Variants in GOLGA4 observed in about 807,000 individuals in gnomAD.
GOLGA4 encodes golgin A4.
In GOLGA4, 169 loss-of-function variants were observed where a neutral mutation model predicts 265.9. That is an observed-to-expected ratio of 0.64 (90% CI 0.56 to 0.72). GOLGA4 has a LOEUF of 0.72. Among genes scored for constraint, GOLGA4 ranks in the 30% least tolerant of loss-of-function variants. The probability of loss-of-function intolerance (pLI) is 0.00; values close to 1 mark genes in which losing one functional copy is unlikely to be tolerated. For missense variants in GOLGA4, 2,482 were observed against 2,483.4 expected (o/e 1.00, Z 0.01); for synonymous variants, 923 against 855.8 (o/e 1.08, Z -1.37).
At chr3:37,263,117 A>G (rs1390274793) in intron 2 of GOLGA4, among the ~76,000 whole-genome samples, 2 of 152,172 alleles carry the variant, frequency 1.3e-5, no homozygotes, top group Admixed American at 1.3e-4. Flanking sequence ...CTGTAGTTTT[A>G]CTATGCTTAT....
intron 2 of GOLGA4, among the ~76,000 whole-genome samples, chr3:37,261,981 A>G (rs1344582350): frequency 1.3e-5 from 2 of 152,222 alleles, no homozygotes; most frequent in Non-Finnish European, 2.9e-5. Flanking sequence ...GAGCCTGTAA[A>G]TGAAAATTCT....
chr3:37,355,246 C>A (rs919005561), intron 22 of GOLGA4, 59 bp downstream of exon 22: 4 of 894,140 alleles, frequency 4.5e-6, no homozygotes, highest in Non-Finnish European at 1.9e-6. Context: ...TATATTCTGT[C>A]TCATTTATAA....
At chr3:37,296,008 C>T (rs2096877202) in intron 6 of GOLGA4, 79 bp from the exon 7 acceptor site, 1 of 1,282,710 alleles carries the variant, frequency 7.8e-7, no homozygotes, top group Non-Finnish European at 1.1e-6. Flanking sequence ...GGAACCAATC[C>T]CCCACAGATA....
At chr3:37,328,850 AAAATT>A (rs2096980834) in intron 15 of GOLGA4, 108 bp from the exon 16 acceptor site, 9 of 901,310 alleles carry the variant, frequency 1.0e-5, no homozygotes, top group South Asian at 2.0e-5. Context: ...ATGCTTATAT[AAAATT>A]AAATTTCATC....
In GOLGA4 at chr3:37,326,050, C is replaced by T; in HGVS notation, c.4164C>T (p.Ser1388=). The stretch of plus-strand genomic sequence containing the variant: ...ATGTTCAGCTTCAAAATAGCATCAG[C>T]CTATCCGAAAAAGAAGCAGCCATTT... ...DLNVQLQNSI[S]LSEKEAAISS... is the part of the protein sequence containing the mutation. Residue 1388 remains serine (S), a synonymous_variant, in exon 14 of 24, where the codon AGC becomes AGT. Coordinates refer to ENST00000361924, the MANE Select transcript of GOLGA4 (RefSeq NM_002078.5). 1 of 1,613,030 alleles carries T rather than the reference C, an allele frequency of 6.2e-7. No homozygotes were observed. The highest frequency in any genetic ancestry group is 8.5e-7 in the Non-Finnish European group (1 of 1,179,196).
In GOLGA4 at chr3:37,324,202, G is replaced by C. The variant is rs901663982; in HGVS notation, c.2316G>C (p.Leu772Phe). The change falls in exon 14 of 24, where the codon TTG becomes TTC. Residue 772 changes from leucine to phenylalanine, a missense_variant. Physicochemically the swap from Leu to Phe is conservative, Grantham distance 22 (BLOSUM62 0). Around this residue, in one of 3 missense-constraint regions of GOLGA4, gnomAD observed 1,536 missense variants for 1,483.7 expected, o/e 1.04. Coordinates refer to ENST00000361924, the MANE Select transcript of GOLGA4 (RefSeq NM_002078.5). ...ELLLKERDKH[L>F]KEHQAHVENL... The stretch of plus-strand genomic sequence containing the variant: ...TCTTGAAGGAAAGGGACAAGCATTT[G>C]AAAGAGCATCAGGCTCATGTAGAAA... 6.2e-7 allele frequency: 1 copy of C among 1,614,014 alleles called. No homozygotes were observed. The highest frequency in any genetic ancestry group is 8.5e-7 in the Non-Finnish European group (1 of 1,180,030).
At chr3:37,308,229 G>A (rs536627310) in intron 10 of GOLGA4, among the ~76,000 whole-genome samples, 1 of 149,424 alleles carries the variant, frequency 6.7e-6, no homozygotes, top group East Asian at 2.0e-4. Context: ...ACGAAACTCT[G>A]TCTCAAAAAA....
Position 37,324,174 on chromosome 3 carries a change from T to C in GOLGA4, c.2288T>C (p.Leu763Pro). The change falls in exon 14 of 24, where the codon CTT (leucine) becomes CCT (proline). Residue 763 changes from leucine to proline, a missense_variant. Physicochemically the swap from Leu to Pro is moderately conservative, Grantham distance 98. Transcript: ENST00000361924. ...AAAGATCAAATTAATCAACTTGAGC[T>C]TCTCTTGAAGGAAAGGGACAAGCAT... ...ALKDQINQLELLLKERDKHLK... is the reference protein window; with the variant it reads ...ALKDQINQLEPLLKERDKHLK... The C allele has an allele frequency of 6.2e-7, 1 of 1,614,128 alleles. No homozygotes were observed. The highest frequency in any genetic ancestry group is 1.3e-5 in the African/African-American group (1 of 75,056).
At chr3:37,291,997 G>A (rs942296777) in intron 5 of GOLGA4, among the ~76,000 whole-genome samples, 1 of 152,048 alleles carries the variant, frequency 6.6e-6, no homozygotes, top group Non-Finnish European at 1.5e-5. Flanking sequence ...TTTGACACAA[G>A]CCTCACTGGG....
rs1380057497 is a variant in GOLGA4 at position 37,296,076 on chromosome 3, A to G, written c.682-11A>G. Reference sequence around the variant, plus strand: ...TTTTGACTTTTTTCTAATGAAGCACATTTATATTAGGTTTCTCTACTGAAA... The same window carrying G: ...TTTTGACTTTTTTCTAATGAAGCACGTTTATATTAGGTTTCTCTACTGAAA... On this transcript the variant is annotated splice_polypyrimidine_tract_variant and intron_variant, in intron 6 of 23. Transcript: ENST00000361924. The G allele has an allele frequency of 1.2e-6, 2 of 1,612,740 alleles. No homozygotes were observed. Among genetic ancestry groups the G allele is most frequent in the Non-Finnish European group, 8.5e-7 (1 of 1,178,820 alleles).
At position 37,347,227 on chromosome 3, in the gene GOLGA4, T is replaced by C. The variant is rs2097059275; in HGVS notation, c.6507T>C (p.Phe2169=). ...TGTACCATACGGATGTCTCACTCTT[T>C]GGAGAACCTACCGAATTTGAGTATT... ...GNLYHTDVSL[F]GEPTEFEYLR... is the part of the protein sequence containing the mutation. Residue 2169 remains phenylalanine (F), a synonymous_variant, in exon 21 of 24, where the codon TTT becomes TTC. Transcript: ENST00000361924. The C allele has an allele frequency of 6.2e-7, 1 of 1,613,042 alleles. No individual in the cohort carries two copies. Among genetic ancestry groups the C allele is most frequent in the Non-Finnish European group, 8.5e-7 (1 of 1,179,252 alleles).
At chr3:37,254,302 A>G (rs1578350859) in intron 2 of GOLGA4, among the ~76,000 whole-genome samples, 1 of 152,174 alleles carries the variant, frequency 6.6e-6, no homozygotes, top group African/African-American at 2.4e-5. Context: ...GAAACTGTAT[A>G]TACTCTGTAC....
At chr3:37,309,495 C>T (rs974990902) in intron 10 of GOLGA4, among the ~76,000 whole-genome samples, 1 of 152,202 alleles carries the variant, frequency 6.6e-6, no homozygotes, top group African/African-American at 2.4e-5. Flanking sequence ...GCGGAGGTTG[C>T]AGTGAGCCAA....
At chr3:37,303,620 A>G (rs1399946943) in intron 10 of GOLGA4, among the ~76,000 whole-genome samples, 1 of 152,218 alleles carries the variant, frequency 6.6e-6, no homozygotes, top group Non-Finnish European at 1.5e-5. Flanking sequence ...TTTGGAAATA[A>G]GAAATTGGAA....
intron 9 of GOLGA4, among the ~76,000 whole-genome samples, chr3:37,300,267 C>G (rs995347623): frequency 1.8e-4 from 27 of 152,238 alleles, no homozygotes; most frequent in African/African-American, 6.3e-4. Flanking sequence ...CTTTCAGCTC[C>G]AAGTTCTTGG....
Position 37,284,271 on chromosome 3 carries a change from TC to T in GOLGA4, c.478-1742del, listed in dbSNP as rs1427317105. On this transcript the variant is annotated intron_variant, in intron 3 of 23. Coordinates refer to ENST00000361924, the MANE Select transcript of GOLGA4 (RefSeq NM_002078.5). ...CACTGGTAAATGTGAACACCATTTT[TC>T]TTTTTTTTGTGAGACGGAGTCTCAC... Among the ~76,000 whole-genome samples, 11 of 152,298 alleles carry T rather than the reference TC, an allele frequency of 7.2e-5. No individual in the cohort carries two copies. The South Asian group carries it at 1.0e-3, about 14-fold the overall frequency.
intron 18 of GOLGA4, 26 bp downstream of exon 18, chr3:37,337,189 T>C (rs768401774): frequency 6.6e-6 from 8 of 1,211,720 alleles, no homozygotes; most frequent in Non-Finnish European, 9.4e-6. Flanking sequence ...CTTTTTTTTT[T>C]TTTCTTTTTT....
At chr3:37,363,151 A>G (rs1696466126) in intron 23 of GOLGA4, among the ~76,000 whole-genome samples, 2 of 152,018 alleles carry the variant, frequency 1.3e-5, no homozygotes, top group African/African-American at 4.8e-5. Flanking sequence ...AATATATATT[A>G]TTTGATTTGC....
intron 1 of GOLGA4, among the ~76,000 whole-genome samples, chr3:37,247,053 G>A (rs951846689): frequency 1.3e-5 from 2 of 152,182 alleles, no homozygotes; most frequent in African/African-American, 4.8e-5. Context: ...GAAAGCATGA[G>A]TCCCAGAGAA....
Sources: allele counts gnomAD v4.1 joint callset (sites outside exome capture counted in the v4.1 genomes callset), GRCh38; gene constraint gnomAD v4.1.1; regional missense constraint gnomAD v4.1.1; transcripts MANE v1.5; gene names NCBI Gene and HGNC (gene_info 2026-07-23, HGNC 2026-07-21).